CFAP97: variants seen among roughly 807,000 people sequenced by gnomAD.
CFAP97 encodes cilia- and flagella-associated protein 97.
Under a neutral mutation model 43.1 loss-of-function variants are expected in CFAP97, and 36 were observed. That is an observed-to-expected ratio of 0.84 (90% confidence interval 0.64 to 1.10). The LOEUF (loss-of-function observed/expected upper bound fraction) is 1.10, where lower values mean the gene tolerates loss of function less well. Among genes scored for constraint, CFAP97 ranks in the 50% least tolerant of loss-of-function variants. The pLI is 0.00. For synonymous variants in CFAP97, 228 were observed against 225.7 expected, an observed-to-expected ratio of 1.01 and a Z score of -0.09; for missense variants, 657 against 620.3, an observed-to-expected ratio of 1.06 and a Z score of -0.63.
chr4:185,180,160 GTTGT>G (rs1279655046), intron 2 of CFAP97, among the ~76,000 whole-genome samples: 7 of 152,014 alleles, frequency 4.6e-5, no homozygotes, highest in African/African-American at 1.7e-4. Flanking sequence ...TAGGCTGAAT[GTTGT>G]TTATTTTTTT....
At chr4:185,196,006 T>C (rs1208583547) in intron 1 of CFAP97, among the ~76,000 whole-genome samples, 1 of 152,232 alleles carries the variant, frequency 6.6e-6, no homozygotes, top group Non-Finnish European at 1.5e-5. Context: ...TGGTTAAGAA[T>C]ATCTTTGCAA....
chr4:185,208,844 T>C (rs1339198403), upstream of CFAP97, among the ~76,000 whole-genome samples: 1 of 152,254 alleles, frequency 6.6e-6, no homozygotes, highest in East Asian at 1.9e-4. Context: ...AGTGTTTAAG[T>C]AGCATATTGG....
At chr4:185,199,907 T>G (rs1164676496) in intron 1 of CFAP97, among the ~76,000 whole-genome samples, 1 of 152,218 alleles carries the variant, frequency 6.6e-6, no homozygotes, top group Non-Finnish European at 1.5e-5. Context: ...TGTGCAAGAT[T>G]AATGTTTTCA....
chr4:185,184,376 C>T (rs185641681), intron 2 of CFAP97, among the ~76,000 whole-genome samples: 106 of 152,310 alleles, frequency 7.0e-4, no homozygotes, highest in African/African-American at 2.4e-3. Context: ...ATTTCCCCTA[C>T]CAACGACTGG....
At chr4:185,206,412 T>C (rs1405601313), upstream of CFAP97, among the ~76,000 whole-genome samples, 2 of 152,072 alleles carry the variant, frequency 1.3e-5, no homozygotes, top group Non-Finnish European at 1.5e-5. Flanking sequence ...GGCTCACTCC[T>C]GTAATCCCAG....
At chr4:185,173,133 G>A (rs1377471496) in intron 3 of CFAP97, among the ~76,000 whole-genome samples, 1 of 152,118 alleles carries the variant, frequency 6.6e-6, no homozygotes, top group African/African-American at 2.4e-5. Context: ...GGAGGCAGAG[G>A]AGGGAGGATC....
chr4:185,189,038 C>T (rs1426002326), intron 2 of CFAP97, among the ~76,000 whole-genome samples: 5 of 152,054 alleles, frequency 3.3e-5, no homozygotes, highest in South Asian at 2.1e-4. Context: ...AGGAGTTCGA[C>T]GCAGCCCGCG....
At chr4:185,209,867 G>A (rs1436932386), upstream of CFAP97, 4 of 983,176 alleles carry the variant, frequency 4.1e-6, no homozygotes, top group African/African-American at 1.8e-5. This position sits in a 1 kb window ranked among gnomAD's most constrained non-coding sequence, Gnocchi z 5.2. Context: ...GCCGGCCCCA[G>A]CCCCGCGCGG....
In CFAP97 at chr4:185,175,036, C is replaced by T. The variant is rs552125895; in HGVS notation, c.1320+750G>A. ...TAGCAGATTAGCAATTTGGCCTATT[C>T]GAGATATACTGATCCTTTAAAATAA... On this transcript the variant is annotated intron_variant, in intron 3 of 4. Transcript: ENST00000458385. Among the ~76,000 whole-genome samples, 63 of 152,216 alleles carry T rather than the reference C, an allele frequency of 4.1e-4. 1 individual carries two copies. Among genetic ancestry groups the T allele is most frequent in the African/African-American group, 1.1e-3 (47 of 41,538 alleles).
At chr4:185,205,461 A>T (rs1737147231), upstream of CFAP97, among the ~76,000 whole-genome samples, 1 of 152,170 alleles carries the variant, frequency 6.6e-6, no homozygotes, top group Non-Finnish European at 1.5e-5. Flanking sequence ...CTCAAAAAAA[A>T]AAAAAGCAAG....
chr4:185,210,236 C>G (rs1737518788), upstream of CFAP97: 13 of 984,966 alleles, frequency 1.3e-5, no homozygotes, highest in Non-Finnish European at 1.6e-5. The surrounding 1 kb of genome is among the most constrained non-coding windows in gnomAD (Gnocchi z 4.4). Context: ...GCGACCTCAG[C>G]CGCCCGCCGC....
chr4:185,178,223 C>T (rs1735631934), intron 2 of CFAP97, among the ~76,000 whole-genome samples: 1 of 147,160 alleles, frequency 6.8e-6, no homozygotes, highest in Non-Finnish European at 1.5e-5. Context: ...AAGCTATTTT[C>T]CCCTAACGGT....
At chr4:185,182,442 A>G (rs551404490) in intron 2 of CFAP97, 1 of 152,310 alleles carries the variant, frequency 6.6e-6, no homozygotes, top group East Asian at 1.9e-4. Flanking sequence ...AAATTCGACT[A>G]ATCTTTCAAG....
chr4:185,200,957 A>G (rs1290783628), intron 1 of CFAP97, among the ~76,000 whole-genome samples: 8 of 152,218 alleles, frequency 5.3e-5, no homozygotes, highest in African/African-American at 1.9e-4. Context: ...ACAACAAATG[A>G]TTTAGAATAT....
chr4:185,163,956 A>G (rs560853336), intron 4 of CFAP97, 73 bp downstream of exon 4: 2 of 1,384,242 alleles, frequency 1.4e-6, no homozygotes, highest in African/African-American at 1.4e-5. Context: ...CTCTATCATA[A>G]TAACATGTTA....
chr4:185,178,240 C>CTTTTTTTTTTT (rs562452947), intron 2 of CFAP97, among the ~76,000 whole-genome samples: 3 of 64,236 alleles, frequency 4.7e-5, no homozygotes, highest in African/African-American at 1.1e-4. Flanking sequence ...CGGTTTTTGT[C>CTTTTTTTTTTT]TTTTTTTTTT....
intron 2 of CFAP97, among the ~76,000 whole-genome samples, chr4:185,186,585 A>G (rs1392307603): frequency 6.6e-6 from 1 of 152,224 alleles, no homozygotes; most frequent in Non-Finnish European, 1.5e-5. Flanking sequence ...TATAGATTAT[A>G]ATAGATTATA....
At chr4:185,197,102 T>TAAAAAAA (rs60986571) in intron 1 of CFAP97, among the ~76,000 whole-genome samples, 3 of 86,742 alleles carry the variant, frequency 3.5e-5, no homozygotes, top group Admixed American at 1.5e-4. Context: ...CCCTCTTAAT[T>TAAAAAAA]AAAAAAAAAA....
intron 4 of CFAP97, among the ~76,000 whole-genome samples, chr4:185,163,613 C>T (rs759048921): frequency 3.3e-5 from 5 of 151,886 alleles, no homozygotes; most frequent in Non-Finnish European, 7.4e-5. Flanking sequence ...GTGTGATCAG[C>T]TTGCTAATTT....
Sources: gnomAD v4.1 joint callset for allele counts (sites outside exome capture counted in the v4.1 genomes callset) on GRCh38, gnomAD v4.1.1 for gene constraint, Gnocchi (gnomAD v3.1) non-coding constraint, MANE v1.5 for transcripts, NCBI Gene and HGNC (gene_info 2026-07-23, HGNC 2026-07-21) for gene names.